Variants in SMAP1 observed in about 807,000 individuals in gnomAD.
The protein encoded by SMAP1 is stromal membrane-associated protein 1.
SMAP1 carries 24 observed loss-of-function variants against 58.5 expected under a neutral mutation model. The observed-to-expected ratio is 0.41, with a 90% CI of 0.30 to 0.58. The LOEUF is 0.58. Among genes scored for constraint, SMAP1 ranks in the 20% least tolerant of loss-of-function variants. SMAP1 has a pLI of 0.29. For missense variants in SMAP1, 563 were observed against 566.3 expected, an observed-to-expected ratio of 0.99 and a Z score of 0.06; for synonymous variants, 216 against 196.6, an observed-to-expected ratio of 1.10 and a Z score of -0.82.
intron 1 of SMAP1, among the ~76,000 whole-genome samples, chr6:70,715,567 A>C (rs561700358): frequency 8.5e-5 from 13 of 152,218 alleles, no homozygotes; most frequent in South Asian, 6.2e-4. Flanking sequence ...TGATGGCTTC[A>C]CTTAAGTCCC....
intron 4 of SMAP1, among the ~76,000 whole-genome samples, chr6:70,789,259 C>A (rs972675173): frequency 1.3e-5 from 2 of 152,004 alleles, no homozygotes; most frequent in South Asian, 2.1e-4. Flanking sequence ...AAATACATAT[C>A]GCTGTGTAAC....
intron 1 of SMAP1, among the ~76,000 whole-genome samples, chr6:70,718,819 CAAA>C (rs5877259): frequency 3.5e-5 from 2 of 57,544 alleles, no homozygotes; most frequent in Non-Finnish European, 6.2e-5. Context: ...GACTCCATCT[CAAA>C]AAAAAAAAAA....
chr6:70,803,285 G>T (rs1048601980), intron 6 of SMAP1, among the ~76,000 whole-genome samples: 2 of 152,140 alleles, frequency 1.3e-5, no homozygotes, highest in African/African-American at 2.4e-5. Context: ...GTTTATTTGC[G>T]TAGAGGTGTT....
At chr6:70,760,052 C>T in intron 3 of SMAP1, 1 of 231,318 alleles carries the variant, frequency 4.3e-6, no homozygotes, top group South Asian at 5.6e-5. Flanking sequence ...CAGACTTTCC[C>T]TCCTGTATCG....
chr6:70,694,145 C>T, intron 1 of SMAP1: 1 of 361,680 alleles, frequency 2.8e-6, no homozygotes, highest in South Asian at 2.5e-5. Context: ...ATCTTGAATG[C>T]TACATCCAGT....
At chr6:70,810,233 G>A (rs573061481) in intron 6 of SMAP1, among the ~76,000 whole-genome samples, 2 of 152,222 alleles carry the variant, frequency 1.3e-5, no homozygotes, top group Admixed American at 6.5e-5. Flanking sequence ...GAACTCCTGA[G>A]CTCAAAGGAT....
Position 70,850,039 on chromosome 6 carries a change from G to A in SMAP1, c.665-2501G>A, listed in dbSNP as rs150975327. ...AGTAATATGCTGTGTGTTGTTTTAC[G>A]GATTAGAAAATGTATTGCTAGATAC... On this transcript the variant is annotated intron_variant, in intron 7 of 10. Transcript: ENST00000370455. 3.7e-3 allele frequency among the ~76,000 whole-genome samples: 557 copies of A among 152,220 alleles called. 2 individuals carry two copies. The highest frequency in any genetic ancestry group is 0.013 in the African/African-American group (531 of 41,542).
chr6:70,752,841 A>T (rs1199030876), intron 2 of SMAP1, among the ~76,000 whole-genome samples: 1 of 152,106 alleles, frequency 6.6e-6, no homozygotes, highest in African/African-American at 2.4e-5. Context: ...CTGTGATGTC[A>T]TTGAATTCTT....
chr6:70,687,687 C>T (rs1766990534), intron 1 of SMAP1, among the ~76,000 whole-genome samples: 1 of 152,156 alleles, frequency 6.6e-6, no homozygotes, highest in African/African-American at 2.4e-5. Flanking sequence ...TACATAGACA[C>T]TTGACCCAGT....
Position 70,823,840 on chromosome 6 carries a change from C to T in SMAP1, c.577-13101C>T, listed in dbSNP as rs1021668739. On this transcript the variant is annotated intron_variant, in intron 6 of 10. Coordinates refer to ENST00000370455, the MANE Select transcript of SMAP1 (RefSeq NM_001044305.3). ...TGGAACCCACAGATAGAGAGCCAAC[C>T]GTAGTTATTTTTCAGTTCCCCCTGC... 2.7e-5 allele frequency among the ~76,000 whole-genome samples: 4 copies of T among 148,580 alleles called. No individual in the cohort carries two copies. In the South Asian group the frequency reaches 6.3e-4, roughly 23 times the overall value.
chr6:70,821,677 G>T (rs1769897405), intron 6 of SMAP1, among the ~76,000 whole-genome samples: 1 of 152,094 alleles, frequency 6.6e-6, no homozygotes, highest in Non-Finnish European at 1.5e-5. Flanking sequence ...CCTAAAATAA[G>T]AATTATTACT....
intron 9 of SMAP1, 22 bp downstream of exon 9, chr6:70,857,052 T>TTTCA: frequency 6.3e-7 from 1 of 1,580,346 alleles, no homozygotes; most frequent in Non-Finnish European, 8.6e-7. Context: ...TGATATCTGC[T>TTTCA]TTCAGTGACA....
chr6:70,819,010 A>G (rs1769767343), intron 6 of SMAP1, among the ~76,000 whole-genome samples: 1 of 152,166 alleles, frequency 6.6e-6, no homozygotes, highest in Non-Finnish European at 1.5e-5. Context: ...CCCTACAGCT[A>G]TTAGTGGTCA....
At position 70,837,009 on chromosome 6, in the gene SMAP1, T is replaced by G. The variant is rs752829315; in HGVS notation, c.645T>G (p.Thr215=). 13 of 1,596,058 alleles carry G rather than the reference T, an allele frequency of 8.1e-6. No individual in the cohort carries two copies. The highest frequency in any genetic ancestry group is 3.4e-5 in the Admixed American group (2 of 58,388). The change falls in exon 7 of 11, where the codon ACT becomes ACG. Residue 215 remains threonine (T), a synonymous_variant. Transcript: ENST00000370455. ...GCCCTAAAAAAGCTGCGGAGCCCAC[T>G]GTGGATCTTTTAGGACTTGGTAAGT... is the stretch of plus-strand genomic sequence containing the variant. The part of the protein sequence containing the change: ...STSPKKAAEP[T]VDLLGLDGPA...
chr6:70,860,424 T>TTTTTC lies in SMAP1; in HGVS notation c.*95_*99dup, dbSNP rs1771666599. The TTTTTC allele has an allele frequency of 4.8e-6, 7 of 1,468,944 alleles. No individual in the cohort carries two copies. The highest frequency in any genetic ancestry group is 6.4e-6 in the Non-Finnish European group (7 of 1,095,814). 91.0% of individuals were successfully genotyped at this position (1,468,944 alleles called of 1,614,324 possible). On this transcript the variant is annotated 3_prime_UTR_variant, in exon 11 of 11. Coordinates refer to ENST00000370455, the MANE Select transcript of SMAP1 (RefSeq NM_001044305.3). The stretch of plus-strand genomic sequence containing the variant: ...CCCCTGTTTATTCATATGCATATTT[T>TTTTTC]TTTTCTTTTTACCCATTTGTTCATA...
chr6:70,746,462 G>GA (rs1364325811), intron 2 of SMAP1, among the ~76,000 whole-genome samples: 1 of 152,186 alleles, frequency 6.6e-6, no homozygotes, highest in East Asian at 1.9e-4. Context: ...CTGTTTGTGT[G>GA]ATGGATTACG....
chr6:70,829,409 G>A (rs1013676198), intron 6 of SMAP1, among the ~76,000 whole-genome samples: 1 of 152,004 alleles, frequency 6.6e-6, no homozygotes, highest in East Asian at 1.9e-4. Flanking sequence ...CACCTGGCAT[G>A]ATTTTTTTAA....
chr6:70,787,862 C>CTAG (rs2149936799), intron 4 of SMAP1, among the ~76,000 whole-genome samples: 1 of 151,836 alleles, frequency 6.6e-6, no homozygotes, highest in East Asian at 1.9e-4. Flanking sequence ...GGACTGTACA[C>CTAG]TAGTTCAACC....
At chr6:70,800,487 T>C (rs920404758) in intron 6 of SMAP1, among the ~76,000 whole-genome samples, 3 of 152,028 alleles carry the variant, frequency 2.0e-5, no homozygotes, top group African/African-American at 7.2e-5. Context: ...TATTTCTTCA[T>C]TGTGTCTAAT....
Sources: gnomAD v4.1 joint callset for allele counts (sites outside exome capture counted in the v4.1 genomes callset) on GRCh38, gnomAD v4.1.1 for gene constraint, MANE v1.5 for transcripts, NCBI Gene and HGNC (gene_info 2026-07-23, HGNC 2026-07-21) for gene names.